Variants in RALGPS2 observed in about 807,000 individuals in gnomAD.
The protein encoded by RALGPS2 is ras-specific guanine nucleotide-releasing factor RalGPS2.
Under a neutral mutation model 86.8 loss-of-function variants are expected in RALGPS2, and 43 were observed. The ratio of observed to expected loss-of-function variants is 0.50; its 90% CI spans 0.39 to 0.64. The LOEUF is 0.64. Among genes scored for constraint, RALGPS2 ranks in the 30% least tolerant of loss-of-function variants. The pLI is 0.00. For synonymous variants in RALGPS2, 243 were observed against 231.3 expected (o/e 1.05, Z -0.46); for missense variants, 536 against 694.6 (o/e 0.77, Z 2.57).
At chr1:178,744,450 A>G (rs1651197073) in intron 1 of RALGPS2, among the ~76,000 whole-genome samples, 1 of 152,182 alleles carries the variant, frequency 6.6e-6, no homozygotes, top group African/African-American at 2.4e-5. Context: ...AACAAAACAA[A>G]GATGGCTACT....
chr1:178,896,998 A>G (rs1659977512), intron 16 of RALGPS2, among the ~76,000 whole-genome samples: 2 of 151,906 alleles, frequency 1.3e-5, no homozygotes, highest in Non-Finnish European at 2.9e-5. Flanking sequence ...GGCTGGGTCA[A>G]ATGGTATTTC....
At chr1:178,855,573 C>T (rs187173287) in intron 8 of RALGPS2, among the ~76,000 whole-genome samples, 6 of 151,700 alleles carry the variant, frequency 4.0e-5, no homozygotes, top group Admixed American at 3.3e-4. Flanking sequence ...GTCTTTCCTG[C>T]GTTATATTTA....
intron 1 of RALGPS2, among the ~76,000 whole-genome samples, chr1:178,773,396 A>G (rs974669813): frequency 1.3e-5 from 2 of 152,174 alleles, no homozygotes; most frequent in East Asian, 3.9e-4. Context: ...CTTGTCATTT[A>G]TAACACAAAG....
chr1:178,850,147 C>T (rs893651383), intron 8 of RALGPS2: 1 of 152,606 alleles, frequency 6.6e-6, no homozygotes, highest in African/African-American at 2.4e-5. Flanking sequence ...GGAAAACAGC[C>T]AACAGTTCCT....
At chr1:178,808,211 A>C in intron 5 of RALGPS2, 83 bp downstream of exon 5, 1 of 961,646 alleles carries the variant, frequency 1.0e-6, no homozygotes, top group Non-Finnish European at 1.6e-6. Flanking sequence ...TTAACTTTTT[A>C]CATCAGTTCT....
chr1:178,848,931 G>A (rs933658231), intron 8 of RALGPS2, among the ~76,000 whole-genome samples: 3 of 152,034 alleles, frequency 2.0e-5, no homozygotes, highest in East Asian at 1.9e-4. Flanking sequence ...CGCCTGGCCC[G>A]GATATTGTTT....
intron 18 of RALGPS2, among the ~76,000 whole-genome samples, chr1:178,906,552 G>A (rs1016152341): frequency 6.6e-6 from 1 of 152,094 alleles, no homozygotes. Context: ...AGCAGCAAAA[G>A]TGACTTTCTG....
At chr1:178,909,643 A>ATT (rs57890269) in intron 19 of RALGPS2, among the ~76,000 whole-genome samples, 1,897 of 72,434 alleles carry the variant, frequency 0.026, 17 homozygotes, top group Non-Finnish European at 0.035. Context: ...TTCTTTTTTA[A>ATT]TTTTTTTTTT....
chr1:178,883,529 A>T lies in RALGPS2; in HGVS notation c.900A>T (p.Leu300Phe). The T allele has an allele frequency of 6.2e-7, 1 of 1,608,988 alleles. No individual in the cohort carries two copies. Among genetic ancestry groups the T allele is most frequent in the Non-Finnish European group, 8.5e-7 (1 of 1,175,380 alleles). ...GTTCTGCTGCTTCCAGAGAAGATTTAGTAGGTCAGTACGTAGTTTTCTCTT... is the reference window on the plus strand; with the variant it reads ...GTTCTGCTGCTTCCAGAGAAGATTTTGTAGGTCAGTACGTAGTTTTCTCTT... ...TPRSAASRED[L>F]VGPEVGASPQ... is the part of the protein sequence containing the mutation. Residue 300 changes from leucine to phenylalanine, a missense_variant, in exon 11 of 20, where the codon TTA (leucine) becomes TTT (phenylalanine). By Grantham distance (22) the Leu-to-Phe change is conservative. Transcript: ENST00000367635.
chr1:178,883,056 G>A (rs765362348), intron 10 of RALGPS2, among the ~76,000 whole-genome samples: 4 of 152,068 alleles, frequency 2.6e-5, no homozygotes, highest in Non-Finnish European at 5.9e-5. Context: ...CCATGGTTTG[G>A]CAACTTTGGG....
chr1:178,856,200 G>GATATATAT (rs1348083361), intron 8 of RALGPS2, among the ~76,000 whole-genome samples: 58 of 40,914 alleles, frequency 1.4e-3, no homozygotes, highest in African/African-American at 4.2e-3. Context: ...CAGAGAGAGA[G>GATATATAT]AGATATATAT....
At chr1:178,848,002 G>A (rs1268424155) in intron 8 of RALGPS2, among the ~76,000 whole-genome samples, 1 of 152,090 alleles carries the variant, frequency 6.6e-6, no homozygotes, top group East Asian at 1.9e-4. Context: ...ATCTGTTGTA[G>A]GATAAAATTC....
In RALGPS2 at chr1:178,798,045, G is replaced by A. The variant is rs1002868115; in HGVS notation, c.214-10000G>A. ...AATATAAAAAAAAATTAAGAAAAAG[G>A]GATGGCGTGAATGTATAAAATATAT... On this transcript the variant is annotated intron_variant, in intron 4 of 19. Coordinates refer to ENST00000367635, the MANE Select transcript of RALGPS2 (RefSeq NM_152663.5). Among the ~76,000 whole-genome samples, 3 of 147,750 alleles carry A rather than the reference G, an allele frequency of 2.0e-5. No individual in the cohort carries two copies. In the South Asian group the frequency reaches 6.4e-4, roughly 32 times the overall value.
chr1:178,776,724 C>T lies in RALGPS2; in HGVS notation c.-41C>T. ...CCTTGGACATGAGGCAGTCAGTCCT[C>T]TGTTGCTGTTAACATAAGGTCAGGG... On this transcript the variant is annotated 5_prime_UTR_variant, in exon 2 of 20. Transcript: ENST00000367635. The T allele has an allele frequency of 1.3e-6, 2 of 1,517,040 alleles. No homozygotes were observed. Among genetic ancestry groups the T allele is most frequent in the Admixed American group, 3.6e-5 (2 of 56,310 alleles). 94.0% of individuals were successfully genotyped at this position (1,517,040 alleles called of 1,614,324 possible). A position where few individuals can be genotyped will look rare whatever the true frequency, so the allele number is the denominator to read the frequency against.
At chr1:178,793,089 A>G (rs1654036202) in intron 4 of RALGPS2, among the ~76,000 whole-genome samples, 1 of 152,202 alleles carries the variant, frequency 6.6e-6, no homozygotes, top group South Asian at 2.1e-4. Flanking sequence ...TTACTTTAAA[A>G]TTTATTTAAA....
intron 8 of RALGPS2, chr1:178,865,685 A>G (rs1333143493): frequency 6.8e-6 from 11 of 1,613,830 alleles, no homozygotes; most frequent in Non-Finnish European, 9.3e-6. Flanking sequence ...TCTCTGGTTT[A>G]TTTTTTTAAT....
intron 1 of RALGPS2, among the ~76,000 whole-genome samples, chr1:178,735,457 G>A (rs945212078): frequency 8.3e-5 from 12 of 143,966 alleles, no homozygotes; most frequent in African/African-American, 3.1e-4. Context: ...TGATGCTGTA[G>A]CCCAGGCTGG....
chr1:178,874,567 A>G (rs955005229), intron 8 of RALGPS2, among the ~76,000 whole-genome samples: 1 of 152,142 alleles, frequency 6.6e-6, no homozygotes, highest in Admixed American at 6.5e-5. Context: ...TCAGCAAGGA[A>G]TGACATTTTT....
Position 178,731,272 on chromosome 1 carries a change from G to GTTTTTT in RALGPS2, c.-84+5877_-84+5882dup, listed in dbSNP as rs57628726. On this transcript the variant is annotated intron_variant, in intron 1 of 19. Transcript: ENST00000367635. ...TGATTATACTTTTCTAGTTGTTTTG[G>GTTTTTT]TTTTTTTTTTTTTTTTTTTTTTTTT... is the stretch of plus-strand genomic sequence containing the variant. 6.4e-3 allele frequency among the ~76,000 whole-genome samples: 370 copies of GTTTTTT among 57,976 alleles called. 54 individuals carry two copies. Among genetic ancestry groups the GTTTTTT allele is most frequent in the Middle Eastern group, 0.017 (1 of 58 alleles). 38.0% of individuals were successfully genotyped at this position (57,976 alleles called of 152,430 possible).
Sources: gnomAD v4.1 joint callset for allele counts (sites outside exome capture counted in the v4.1 genomes callset) on GRCh38, gnomAD v4.1.1 for gene constraint, MANE v1.5 for transcripts, NCBI Gene and HGNC (gene_info 2026-07-23, HGNC 2026-07-21) for gene names.